The following MUC5B variants were observed in gnomAD, a reference collection of about 807,000 sequenced individuals.
MUC5B encodes the protein mucin-5B.
In MUC5B, 116 loss-of-function variants were observed where a neutral mutation model predicts 376.9. The observed-to-expected ratio is 0.31, with a 90% CI of 0.26 to 0.36. The LOEUF (loss-of-function observed/expected upper bound fraction) is 0.36. Among genes scored for constraint, MUC5B ranks in the 10% least tolerant of loss-of-function variants. MUC5B has a pLI of 1.00. For synonymous variants in MUC5B, 3,517 were observed against 3,390.9 expected, an observed-to-expected ratio of 1.04 and a Z score of -1.29; for missense variants, 7,165 against 7,769.9, an observed-to-expected ratio of 0.92 and a Z score of 2.93.
Position 1,261,532 on chromosome 11 carries a change from C to T in MUC5B, c.17213C>T (p.Thr5738Met), listed in dbSNP as rs369483649. The change falls in exon 49 of 49, where the codon ACG (threonine) becomes ATG (methionine). Residue 5738 changes from threonine (T) to methionine (M), a missense_variant. This residue lies in a region of MUC5B where 842 missense variants were observed against 1,016.9 expected (regional missense o/e 0.83). Transcript: ENST00000529681. The stretch of plus-strand genomic sequence containing the variant: ...ACCCACGTGGATGAGTGTGGCTGCA[C>T]GCCCTTCTGTGTCCCTGCGCCCATG... ...TYTHVDECGCTPFCVPAPMAP... is the reference protein window; with the variant it reads ...TYTHVDECGCMPFCVPAPMAP... The T allele has an allele frequency of 1.1e-4, 173 of 1,607,578 alleles. No individual in the cohort carries two copies. The highest frequency in any genetic ancestry group is 3.5e-4 in the African/African-American group (26 of 74,976).
chr11:1,238,258 G>A (rs1200899933), intron 25 of MUC5B, among the ~76,000 whole-genome samples: 1 of 152,246 alleles, frequency 6.6e-6, no homozygotes, highest in East Asian at 1.9e-4. Context: ...TTCACTGGGT[G>A]CCTGGAATAG....
At position 1,251,642 on chromosome 11, in the gene MUC5B, T is replaced by A; in HGVS notation, c.14762T>A (p.Val4921Glu). 6.2e-7 allele frequency: 1 copy of A among 1,613,132 alleles called. No individual in the cohort carries two copies. Among genetic ancestry groups the A allele is most frequent in the South Asian group, 1.1e-5 (1 of 91,082 alleles). The part of the protein sequence containing the change: ...SSLPTFSVST[V>E]SSSVLTTLRP... ...CTGCCAACCTTCAGCGTGTCCACTG[T>A]GTCCTCCTCAGTCCTCACCACCCTG... is the stretch of plus-strand genomic sequence containing the variant. The change falls in exon 31 of 49, where the codon GTG becomes GAG. Residue 4921 changes from valine to glutamate, a missense_variant. Val to Glu is a moderately radical substitution (Grantham distance 121). Coordinates refer to ENST00000529681, the MANE Select transcript of MUC5B (RefSeq NM_002458.3).
Position 1,239,680 on chromosome 11 carries a change from A to G in MUC5B, c.3583+114A>G. The G allele has an allele frequency of 8.7e-6, 13 of 1,495,140 alleles. No individual in the cohort carries two copies. In the South Asian group the frequency reaches 1.6e-4, roughly 18 times the overall value. The allele number at this position is 1,495,140 out of a possible 1,614,324, so 92.6% of individuals were successfully genotyped here. ...AGGCTCCCGTAAACTGCACAATGCA[A>G]GCCTTGAGGGCAGGCCCCTGCTGGC... On this transcript the variant is annotated intron_variant, in intron 27 of 48. Coordinates refer to ENST00000529681, the MANE Select transcript of MUC5B (RefSeq NM_002458.3).
At chr11:1,260,312 C>A in intron 46 of MUC5B, 39 bp from the exon 47 acceptor site, 2 of 1,603,764 alleles carry the variant, frequency 1.2e-6, no homozygotes, top group Non-Finnish European at 1.7e-6. Context: ...CAGGGAGGCC[C>A]CGCCCACAGC....
At chr11:1,254,516 C>T (rs1320540037) in intron 34 of MUC5B, among the ~76,000 whole-genome samples, 165 bp downstream of exon 34, 1 of 152,202 alleles carries the variant, frequency 6.6e-6, no homozygotes, top group Non-Finnish European at 1.5e-5. Context: ...CCGAGCGCAC[C>T]CTGTGGCCTA....
chr11:1,253,150 G>T lies in MUC5B; in HGVS notation c.15217+170G>T. ...GTGGGGCATGGTGGGGCATGGTGGGGTGTGGTGGTGGTGTTTGGGAGATCG... is the reference window on the plus strand; with the variant it reads ...GTGGGGCATGGTGGGGCATGGTGGGTTGTGGTGGTGGTGTTTGGGAGATCG... On this transcript the variant is annotated intron_variant, in intron 33 of 48. Transcript: ENST00000529681. The surrounding 1 kb of genome is among the most constrained non-coding windows in gnomAD (Gnocchi z 4.3). 1.3e-6 allele frequency: 1 copy of T among 772,488 alleles called. No individual in the cohort carries two copies. The highest frequency in any genetic ancestry group is 2.1e-6 in the Non-Finnish European group (1 of 471,124). 47.9% of individuals were successfully genotyped at this position (772,488 alleles called of 1,614,324 possible). A position where few individuals can be genotyped will look rare whatever the true frequency, so the allele number is the denominator to read the frequency against.
In MUC5B at chr11:1,258,952, C is replaced by A. The variant is rs1483847778; in HGVS notation, c.16604C>A (p.Thr5535Asn). The change falls in exon 44 of 49, where the codon ACC becomes AAC. Residue 5535 changes from threonine to asparagine, a missense_variant. By Grantham distance (65) the Thr-to-Asn change is moderately conservative (BLOSUM62 0). This residue lies in a region of MUC5B where 842 missense variants were observed against 1,016.9 expected (regional missense o/e 0.83). Transcript: ENST00000529681. The surrounding 1 kb of genome is among the most constrained non-coding windows in gnomAD (Gnocchi z 5.5). ...YNGTFYGVGA[T>N]FPGALPCHMC... Reference sequence around the variant, plus strand: ...TCCCACCCCTTGCAGGTTGGTGCAACCTTCCCAGGCGCCCTTCCCTGCCAC... The same window carrying A: ...TCCCACCCCTTGCAGGTTGGTGCAAACTTCCCAGGCGCCCTTCCCTGCCAC... 6 of 1,551,378 alleles carry A rather than the reference C, an allele frequency of 3.9e-6. No homozygotes were observed. The highest frequency in any genetic ancestry group is 1.4e-5 in the African/African-American group (1 of 73,042).
intron 8 of MUC5B, 119 bp from the exon 9 acceptor site, chr11:1,229,051 C>A (rs1861961320): frequency 7.9e-7 from 1 of 1,260,310 alleles, no homozygotes; most frequent in Non-Finnish European, 1.1e-6. Flanking sequence ...CACCCTGGGG[C>A]CTAGCTCTGG....
At chr11:1,226,397 C>T in intron 3 of MUC5B, 121 bp downstream of exon 3, 1 of 1,362,836 alleles carries the variant, frequency 7.3e-7, no homozygotes, top group East Asian at 2.5e-5. Flanking sequence ...CCAGAGTCCT[C>T]CGTGTGGGCG....
In MUC5B at chr11:1,241,937, C is replaced by T; in HGVS notation, c.5057C>T (p.Pro1686Leu). 1 of 1,607,504 alleles carries T rather than the reference C, an allele frequency of 6.2e-7. No homozygotes were observed. ...TPAGSTEPTVPGVATSTLPTR... is the reference protein window; with the variant it reads ...TPAGSTEPTVLGVATSTLPTR... Reference sequence around the variant, plus strand: ...GCAGGCTCCACAGAACCCACTGTCCCAGGGGTGGCCACATCCACCCTTCCA... The same window carrying T: ...GCAGGCTCCACAGAACCCACTGTCCTAGGGGTGGCCACATCCACCCTTCCA... The change falls in exon 31 of 49, where the codon CCA (proline) becomes CTA (leucine). Residue 1686 changes from proline (P) to leucine (L), a missense_variant. This residue lies in a region of MUC5B where 897 missense variants were observed against 779.6 expected (regional missense o/e 1.15). Transcript: ENST00000529681.
At chr11:1,225,398 A>G (rs1321075897) in intron 1 of MUC5B, among the ~76,000 whole-genome samples, 1 of 152,240 alleles carries the variant, frequency 6.6e-6, no homozygotes. Context: ...TGCTGGGGGC[A>G]GCTCAGGGCT....
At chr11:1,240,398 G>A in intron 30 of MUC5B, 23 bp downstream of exon 30, 3 of 1,575,250 alleles carry the variant, frequency 1.9e-6, no homozygotes, top group Non-Finnish European at 2.6e-6. Flanking sequence ...TGGCTCTCCT[G>A]AGGCCCAGTA....
Position 1,248,408 on chromosome 11 carries a change from C to G in MUC5B, c.11528C>G (p.Thr3843Arg), listed in dbSNP as rs779197235. 1.6e-5 allele frequency: 26 copies of G among 1,612,572 alleles called. No individual in the cohort carries two copies. The Admixed American group carries it at 4.3e-4, about 27-fold the overall frequency. Reference protein sequence around the residue: ...TSTVLTTTATTTRATGSVATP... With the variant: ...TSTVLTTTATRTRATGSVATP... Reference sequence around the variant, plus strand: ...ACAGTGCTTACCACCACGGCCACCACAACCAGGGCCACCGGCTCTGTGGCC... The same window carrying G: ...ACAGTGCTTACCACCACGGCCACCAGAACCAGGGCCACCGGCTCTGTGGCC... The change falls in exon 31 of 49, where the codon ACA (threonine) becomes AGA (arginine). Residue 3843 changes from threonine (T) to arginine (R), a missense_variant. By Grantham distance (71) the Thr-to-Arg change is moderately conservative. Coordinates refer to ENST00000529681, the MANE Select transcript of MUC5B (RefSeq NM_002458.3).
rs774145993 is a variant in MUC5B at position 1,242,286 on chromosome 11, G to A, written c.5406G>A (p.Gly1802=). The A allele has an allele frequency of 2.5e-6, 4 of 1,613,926 alleles. No homozygotes were observed. The highest frequency in any genetic ancestry group is 1.7e-5 in the Admixed American group (1 of 60,024). Residue 1802 remains glycine (G), a synonymous_variant, in exon 31 of 49, where the codon GGG becomes GGA. Transcript: ENST00000529681. ...TTGACGTGGACTTCCCAACCTCAGGGGTTGCAGGCGGGGACATGGAAACTT... is the reference window on the plus strand; with the variant it reads ...TTGACGTGGACTTCCCAACCTCAGGAGTTGCAGGCGGGGACATGGAAACTT... ...EWFDVDFPTS[G]VAGGDMETFE... is the part of the protein sequence containing the mutation.
chr11:1,256,860 C>A, intron 39 of MUC5B, 89 bp downstream of exon 39: 1 of 988,138 alleles, frequency 1.0e-6, no homozygotes, highest in Non-Finnish European at 1.4e-6. Context: ...CCATGATGTG[C>A]TCTCCCCTCT....
chr11:1,252,780 G>A (rs776629252), intron 32 of MUC5B, 29 bp from the exon 33 acceptor site: 3 of 1,577,688 alleles, frequency 1.9e-6, no homozygotes, highest in Admixed American at 3.6e-5. Flanking sequence ...AGCTGGTCCA[G>A]GTGAGGACGT....
In MUC5B at chr11:1,255,455, G is replaced by C. The variant is rs984460796; in HGVS notation, c.15963G>C (p.Arg5321Ser). The C allele has an allele frequency of 3.8e-6, 6 of 1,598,466 alleles. No homozygotes were observed. Among genetic ancestry groups the C allele is most frequent in the Non-Finnish European group, 5.1e-6 (6 of 1,173,450 alleles). Residue 5321 changes from arginine to serine, a missense_variant, in exon 37 of 49, where the codon AGG becomes AGC. Transcript: ENST00000529681. Reference sequence around the variant, plus strand: ...ACGCCTGCATCAGCGACCACTGCAGGGGCCGCCTTGAGGTGCCCTGCCAGA... The same window carrying C: ...ACGCCTGCATCAGCGACCACTGCAGCGGCCGCCTTGAGGTGCCCTGCCAGA... ...FFNACISDHCRGRLEVPCQSL... is the reference protein window; with the variant it reads ...FFNACISDHCSGRLEVPCQSL...
At position 1,235,443 on chromosome 11, in the gene MUC5B, C is replaced by T. The variant is rs559148553; in HGVS notation, c.2880+30C>T. Reference sequence around the variant, plus strand: ...GAACGGCCCCAGCTGTGAGCACCCCCGACCCTGCAGCCAACGAGCCGGCCC... The same window carrying T: ...GAACGGCCCCAGCTGTGAGCACCCCTGACCCTGCAGCCAACGAGCCGGCCC... On this transcript the variant is annotated intron_variant, in intron 23 of 48. Transcript: ENST00000529681. The T allele has an allele frequency of 2.5e-4, 399 of 1,581,504 alleles. 4 individuals carry two copies. The South Asian group carries it at 3.3e-3, about 13-fold the overall frequency.
At position 1,231,376 on chromosome 11, in the gene MUC5B, A is replaced by G. The variant is rs768817415; in HGVS notation, c.1541-47A>G. The G allele has an allele frequency of 1.8e-5, 28 of 1,566,202 alleles. No homozygotes were observed. The South Asian group carries it at 3.2e-4, about 18-fold the overall frequency. On this transcript the variant is annotated intron_variant, in intron 13 of 48. Coordinates refer to ENST00000529681, the MANE Select transcript of MUC5B (RefSeq NM_002458.3). ...TGCCCTGCCCCTCCAATCTAGCCAG[A>G]TCTGTCCCTGCACCCCTGACCGGCC...
Sources: gnomAD v4.1 joint callset for allele counts (sites outside exome capture counted in the v4.1 genomes callset) on GRCh38, gnomAD v4.1.1 for gene constraint, gnomAD v4.1.1 regional missense constraint, Gnocchi (gnomAD v3.1) non-coding constraint, MANE v1.5 for transcripts, NCBI Gene and HGNC (gene_info 2026-07-23, HGNC 2026-07-21) for gene names.